The following NEK11 variants were observed in gnomAD, a reference collection of about 807,000 sequenced individuals.
NEK11 encodes NIMA related kinase 11.
A neutral mutation model predicts 80.7 loss-of-function variants in NEK11; 72 were observed. That is an observed-to-expected ratio of 0.89 (90% CI 0.74 to 1.08). NEK11 has a LOEUF of 1.08. NEK11 is among the 50% of genes least tolerant of loss of function. The pLI is 0.00. For synonymous variants in NEK11, 251 were observed against 260.7 expected (o/e 0.96, Z 0.36); for missense variants, 764 against 763.6 (o/e 1.00, Z -0.01).
At chr3:131,241,736 A>G (rs939826927) in intron 15 of NEK11, among the ~76,000 whole-genome samples, 1 of 152,106 alleles carries the variant, frequency 6.6e-6, no homozygotes, top group African/African-American at 2.4e-5. Context: ...CCGTACATAT[A>G]TAGTATAATC....
intron 5 of NEK11, among the ~76,000 whole-genome samples, chr3:131,130,498 A>G (rs1443574158): frequency 6.6e-6 from 1 of 152,026 alleles, no homozygotes; most frequent in Non-Finnish European, 1.5e-5. Flanking sequence ...TAGAGGGGAC[A>G]TTTTTCCCTT....
At chr3:131,300,393 A>T (rs1353459949) in intron 17 of NEK11, among the ~76,000 whole-genome samples, 3 of 152,090 alleles carry the variant, frequency 2.0e-5, no homozygotes, top group Non-Finnish European at 2.9e-5. Flanking sequence ...ATTAAGTTTC[A>T]TTTGTCAATT....
At chr3:131,101,554 A>G (rs905725147) in intron 4 of NEK11, among the ~76,000 whole-genome samples, 2 of 151,884 alleles carry the variant, frequency 1.3e-5, no homozygotes, top group South Asian at 2.1e-4. Context: ...GGTCTTCTTG[A>G]TATTGATTTA....
intron 7 of NEK11, among the ~76,000 whole-genome samples, chr3:131,138,168 G>A (rs1008252809): frequency 4.6e-5 from 7 of 152,170 alleles, no homozygotes; most frequent in African/African-American, 1.4e-4. Flanking sequence ...CTGGGCCAGA[G>A]GGGAACCCAC....
At chr3:131,245,376 C>T (rs1580799162) in intron 16 of NEK11, among the ~76,000 whole-genome samples, 2 of 151,444 alleles carry the variant, frequency 1.3e-5, no homozygotes, top group South Asian at 4.2e-4. Flanking sequence ...GGTTCCATAT[C>T]TTTGCTGTTG....
intron 14 of NEK11, among the ~76,000 whole-genome samples, chr3:131,210,531 T>G (rs1415040553): frequency 6.6e-6 from 1 of 152,200 alleles, no homozygotes; most frequent in Non-Finnish European, 1.5e-5. Flanking sequence ...ATATCCTTGT[T>G]AACTTTCTGT....
At chr3:131,122,681 A>T (rs1398681168) in intron 5 of NEK11, among the ~76,000 whole-genome samples, 1 of 151,566 alleles carries the variant, frequency 6.6e-6, no homozygotes, top group Non-Finnish European at 1.5e-5. Flanking sequence ...CATATCATAA[A>T]CTGTTCATAT....
Position 131,133,961 on chromosome 3 carries a change from G to A in NEK11, c.647+5G>A, listed in dbSNP as rs1283059160. ...TGACACAAAGTCGGACATCTGGTGAGTGGGCTAGTGGGCTAGACTCTTCAT... is the reference window on the plus strand; with the variant it reads ...TGACACAAAGTCGGACATCTGGTGAATGGGCTAGTGGGCTAGACTCTTCAT... On this transcript the variant is annotated splice_donor_5th_base_variant and intron_variant, in intron 7 of 17. Coordinates refer to ENST00000383366, the MANE Select transcript of NEK11 (RefSeq NM_024800.5). 1 of 1,604,252 alleles carries A rather than the reference G, an allele frequency of 6.2e-7. No homozygotes were observed. The highest frequency in any genetic ancestry group is 2.2e-5 in the East Asian group (1 of 44,694).
intron 16 of NEK11, among the ~76,000 whole-genome samples, chr3:131,246,484 A>G (rs1397723674): frequency 1.3e-5 from 2 of 152,084 alleles, no homozygotes; most frequent in African/African-American, 4.8e-5. Context: ...CCACATGTGT[A>G]TGTGTATCAC....
At chr3:131,049,838 C>A (rs952650785) in intron 3 of NEK11, among the ~76,000 whole-genome samples, 2 of 151,704 alleles carry the variant, frequency 1.3e-5, no homozygotes, top group Non-Finnish European at 2.9e-5. Flanking sequence ...AACTATATAT[C>A]TATGAATACT....
intron 17 of NEK11, among the ~76,000 whole-genome samples, chr3:131,337,834 A>G (rs2097213025): frequency 6.6e-6 from 1 of 152,188 alleles, no homozygotes; most frequent in African/African-American, 2.4e-5. Context: ...TAAGATACTT[A>G]ACATCTGTGC....
intron 17 of NEK11, among the ~76,000 whole-genome samples, chr3:131,296,400 C>T (rs6764727): frequency 0.12 from 18,047 of 152,088 alleles, 1,523 homozygotes; most frequent in East Asian, 0.3. Flanking sequence ...CTACCTTCAT[C>T]GATTCTTTCT....
chr3:131,221,422 AATT>A (rs1402118766), intron 14 of NEK11, among the ~76,000 whole-genome samples: 4 of 152,098 alleles, frequency 2.6e-5, no homozygotes, highest in African/African-American at 9.7e-5. Flanking sequence ...CAAATTTGGA[AATT>A]TTTATTTTTA....
chr3:131,174,795 T>A (rs764357298), intron 14 of NEK11: 5 of 1,610,768 alleles, frequency 3.1e-6, no homozygotes, highest in Admixed American at 1.7e-5. Flanking sequence ...CAGAGCAGTG[T>A]TTTTTCCAAA....
At chr3:131,205,612 C>G (rs775389132) in intron 14 of NEK11, among the ~76,000 whole-genome samples, 2 of 152,138 alleles carry the variant, frequency 1.3e-5, no homozygotes, top group Non-Finnish European at 2.9e-5. Flanking sequence ...ATATATACCT[C>G]TCTCCCACAC....
intron 12 of NEK11, among the ~76,000 whole-genome samples, chr3:131,168,248 C>T (rs563162169): frequency 4.9e-4 from 74 of 152,310 alleles, no homozygotes; most frequent in African/African-American, 1.8e-3. Flanking sequence ...TATTCTCAAA[C>T]TTGAAATGCA....
chr3:131,081,371 G>A (rs2075248506), intron 4 of NEK11, among the ~76,000 whole-genome samples: 1 of 152,130 alleles, frequency 6.6e-6, no homozygotes, highest in Admixed American at 6.5e-5. Flanking sequence ...TCAATTTGTG[G>A]TTTACAGCTT....
chr3:131,288,450 C>CTTTCTTTCTTTCTTTTTTTTT (rs536834704), intron 17 of NEK11, among the ~76,000 whole-genome samples: 10 of 115,386 alleles, frequency 8.7e-5, no homozygotes, highest in Non-Finnish European at 1.6e-4. Flanking sequence ...TTCTTTCTTT[C>CTTTCTTTCTTTCTTTTTTTTT]TTTTTTTTTT....
intron 4 of NEK11, among the ~76,000 whole-genome samples, chr3:131,084,896 G>A (rs1303114682): frequency 1.3e-5 from 2 of 152,192 alleles, no homozygotes; most frequent in Non-Finnish European, 2.9e-5. Context: ...CCAGGGCTGA[G>A]AATGGCAAAA....
Sources: allele counts gnomAD v4.1 joint callset (sites outside exome capture counted in the v4.1 genomes callset), GRCh38; gene constraint gnomAD v4.1.1; transcripts MANE v1.5; gene names NCBI Gene and HGNC (gene_info 2026-07-23, HGNC 2026-07-21).